CSE1L: variants seen among roughly 807,000 people sequenced by gnomAD.
The protein encoded by CSE1L is chromosome segregation 1 like, also known as exportin-2.
CSE1L carries 24 observed loss-of-function variants against 120.4 expected under a neutral mutation model. That is an observed-to-expected ratio of 0.20 (90% confidence interval 0.14 to 0.28). The LOEUF (loss-of-function observed/expected upper bound fraction) is 0.28, where lower values mean the gene tolerates loss of function less well. CSE1L is among the 10% of genes least tolerant of loss of function. The pLI is 1.00. For synonymous variants in CSE1L, 402 were observed against 398.3 expected, an observed-to-expected ratio of 1.01 and a Z score of -0.11; for missense variants, 830 against 1,145.2, an observed-to-expected ratio of 0.72 and a Z score of 3.97.
chr20:49,059,837 G>A (rs1291807559), intron 2 of CSE1L, among the ~76,000 whole-genome samples: 2 of 151,680 alleles, frequency 1.3e-5, no homozygotes, highest in African/African-American at 4.9e-5. Context: ...TTGAGATTGC[G>A]CCACTGCACT....
intron 21 of CSE1L, 47 bp from the exon 22 acceptor site, chr20:49,091,999 T>A: frequency 9.9e-7 from 1 of 1,011,756 alleles, no homozygotes; most frequent in Non-Finnish European, 1.5e-6. Flanking sequence ...GTTACCAGTT[T>A]AGTGCGTGAG....
intron 13 of CSE1L, among the ~76,000 whole-genome samples, chr20:49,077,631 C>T (rs544922412): frequency 1.5e-4 from 23 of 152,282 alleles, no homozygotes; most frequent in Admixed American, 1.4e-3. Context: ...TATACATTGG[C>T]TTCCTTTTCT....
chr20:49,090,876 A>G (rs1568787960), intron 20 of CSE1L, 37 bp downstream of exon 20: 1 of 1,603,246 alleles, frequency 6.2e-7, no homozygotes, highest in Admixed American at 1.7e-5. Context: ...TTATTTAGAA[A>G]TTTTGTTAGG....
intron 14 of CSE1L, among the ~76,000 whole-genome samples, chr20:49,080,385 A>G (rs911222442): frequency 1.3e-5 from 2 of 150,862 alleles, no homozygotes; most frequent in African/African-American, 4.9e-5. Context: ...GGCCCTGGTT[A>G]TCAATTTTTA....
chr20:49,082,813 G>GC (rs1946510373), intron 14 of CSE1L, among the ~76,000 whole-genome samples: 1 of 151,446 alleles, frequency 6.6e-6, no homozygotes, highest in Non-Finnish European at 1.5e-5. Context: ...GAGCCACCGT[G>GC]CCTGGCCTTT....
At chr20:49,088,351 A>G (rs1051021051) in intron 17 of CSE1L, among the ~76,000 whole-genome samples, 2 of 152,234 alleles carry the variant, frequency 1.3e-5, no homozygotes, top group African/African-American at 4.8e-5. Flanking sequence ...TAACATGTTT[A>G]TTGTAGAAAA....
intron 2 of CSE1L, among the ~76,000 whole-genome samples, chr20:49,061,122 ATCT>A (rs1018201353): frequency 2.6e-5 from 4 of 152,058 alleles, no homozygotes; most frequent in East Asian, 3.9e-4. Flanking sequence ...CTAATCTTTA[ATCT>A]TCTTAGACTT....
chr20:49,089,551 C>T lies in CSE1L; in HGVS notation c.1986C>T (p.Tyr662=), dbSNP rs866118646. The change falls in exon 19 of 25, where the codon TAC becomes TAT. Residue 662 remains tyrosine (Y), a synonymous_variant. Coordinates refer to ENST00000262982, the MANE Select transcript of CSE1L (RefSeq NM_001316.4). Reference sequence around the variant, plus strand: ...TTTTATCAACAGAATTTATTCCATACGTCTTTCAAGTGATGTCTTTGCTTC... The same window carrying T: ...TTTTATCAACAGAATTTATTCCATATGTCTTTCAAGTGATGTCTTTGCTTC... The part of the protein sequence containing the change: ...LQNDVQEFIP[Y]VFQVMSLLLE... 19 of 1,614,052 alleles carry T rather than the reference C, an allele frequency of 1.2e-5. 1 individual carries two copies. Among genetic ancestry groups the T allele is most frequent in the East Asian group, 6.7e-5 (3 of 44,878 alleles).
In CSE1L at chr20:49,067,285, G is replaced by A; in HGVS notation, c.567+5G>A. ...CCTTTGACTAATCTTTTTAAGGTAT[G>A]GAATGCATCTTGGTGATATTTTTAA... On this transcript the variant is annotated splice_donor_5th_base_variant and intron_variant, in intron 6 of 24. Coordinates refer to ENST00000262982, the MANE Select transcript of CSE1L (RefSeq NM_001316.4). The A allele has an allele frequency of 6.4e-7, 1 of 1,560,062 alleles. No individual in the cohort carries two copies. The highest frequency in any genetic ancestry group is 1.4e-5 in the African/African-American group (1 of 73,694).
chr20:49,063,818 T>G (rs768970709), intron 3 of CSE1L, among the ~76,000 whole-genome samples: 1 of 152,254 alleles, frequency 6.6e-6, no homozygotes, highest in Non-Finnish European at 1.5e-5. Flanking sequence ...AGAAATCAGA[T>G]ACATAAAACA....
intron 1 of CSE1L, among the ~76,000 whole-genome samples, chr20:49,047,564 C>CTTTTCTTTTTTTTTT (rs2091726817): frequency 1.4e-5 from 1 of 69,928 alleles, no homozygotes; most frequent in African/African-American, 7.7e-5. Context: ...TTTCTCTTTT[C>CTTTTCTTTTTTTTTT]TTTTTTTTTT....
chr20:49,085,517 G>T, intron 16 of CSE1L, 131 bp downstream of exon 16: 2 of 305,952 alleles, frequency 6.5e-6, no homozygotes, highest in East Asian at 6.8e-5. Flanking sequence ...AGTTAGTTTA[G>T]ATATTTCAAA....
chr20:49,061,643 C>T (rs2091854344), intron 2 of CSE1L, among the ~76,000 whole-genome samples: 1 of 151,742 alleles, frequency 6.6e-6, no homozygotes, highest in Non-Finnish European at 1.5e-5. Context: ...GCTGGGACTA[C>T]AGGCGCCCGC....
intron 13 of CSE1L, among the ~76,000 whole-genome samples, chr20:49,077,457 GCC>G (rs2091978250): frequency 6.6e-6 from 1 of 152,078 alleles, no homozygotes; most frequent in East Asian, 1.9e-4. Context: ...TCCATGCCCT[GCC>G]TATTATTTCT....
chr20:49,061,349 T>G (rs946472934), intron 2 of CSE1L, among the ~76,000 whole-genome samples: 1 of 150,102 alleles, frequency 6.7e-6, no homozygotes, highest in Admixed American at 6.7e-5. Flanking sequence ...ATTATTTGTA[T>G]TTTTAGTAGA....
intron 3 of CSE1L, among the ~76,000 whole-genome samples, chr20:49,064,520 G>A (rs531167655): frequency 6.6e-6 from 1 of 152,134 alleles, no homozygotes; most frequent in South Asian, 2.1e-4. Flanking sequence ...GACCAGCTTG[G>A]GCAATAAAGT....
At chr20:49,055,768 ATGTGAT>A (rs1453851565) in intron 1 of CSE1L, among the ~76,000 whole-genome samples, 9 of 152,254 alleles carry the variant, frequency 5.9e-5, no homozygotes, top group Non-Finnish European at 1.2e-4. Context: ...TATAATAGAT[ATGTGAT>A]TGTAAGATTA....
chr20:49,076,896 T>C (rs2091972823), intron 12 of CSE1L, 84 bp from the exon 13 acceptor site: 3 of 813,574 alleles, frequency 3.7e-6, no homozygotes, highest in Admixed American at 3.0e-5. Context: ...TTTAACATGG[T>C]TTTCTAAAAT....
chr20:49,062,132 C>G (rs559246552), intron 2 of CSE1L, among the ~76,000 whole-genome samples: 15 of 152,154 alleles, frequency 9.9e-5, no homozygotes, highest in African/African-American at 3.6e-4. Flanking sequence ...AGTGTGTTGC[C>G]CTGTACAAAA....
Sources: allele counts gnomAD v4.1 joint callset (sites outside exome capture counted in the v4.1 genomes callset), GRCh38; gene constraint gnomAD v4.1.1; transcripts MANE v1.5; gene names NCBI Gene and HGNC (gene_info 2026-07-23, HGNC 2026-07-21).